HECW2: variants seen among roughly 807,000 people sequenced by gnomAD.
HECW2 encodes the protein E3 ubiquitin-protein ligase HECW2.
In HECW2, 61 loss-of-function variants were observed where a neutral mutation model predicts 175.2. That is an observed-to-expected ratio of 0.35 (90% confidence interval 0.28 to 0.43). The LOEUF (loss-of-function observed/expected upper bound fraction) is 0.43. Ranked by LOEUF, HECW2 falls within the 20% of genes least tolerant of loss-of-function variation. HECW2 has a pLI of 1.00. For synonymous variants in HECW2, 671 were observed against 731.0 expected, an observed-to-expected ratio of 0.92 and a Z score of 1.32; for missense variants, 1,524 against 2,000.5, an observed-to-expected ratio of 0.76 and a Z score of 4.54.
At chr2:196,308,172 T>C in intron 10 of HECW2, 87 bp from the exon 11 acceptor site, 1 of 997,630 alleles carries the variant, frequency 1.0e-6, no homozygotes, top group East Asian at 2.7e-5. Flanking sequence ...GTGTTTTCTT[T>C]CTCTGACATG....
At chr2:196,581,937 G>A (rs949874683) in intron 1 of HECW2, among the ~76,000 whole-genome samples, 3 of 151,892 alleles carry the variant, frequency 2.0e-5, no homozygotes, top group Non-Finnish European at 4.4e-5. Flanking sequence ...GTGGTGGTGG[G>A]AGCCTGTAGT....
chr2:196,252,205 TAATAATAATAAG>T (rs1343600881), intron 19 of HECW2, among the ~76,000 whole-genome samples: 6 of 143,818 alleles, frequency 4.2e-5, no homozygotes, highest in African/African-American at 4.9e-5. Context: ...ATAATAATAA[TAATAATAATAAG>T]GCTTCAATGA....
intron 2 of HECW2, among the ~76,000 whole-genome samples, chr2:196,385,331 C>A (rs1298206672): frequency 6.6e-6 from 1 of 152,120 alleles, no homozygotes; most frequent in African/African-American, 2.4e-5. Flanking sequence ...TATAAAAGCT[C>A]TAGTTACTTA....
chr2:196,525,119 T>A (rs1688587650), intron 1 of HECW2, among the ~76,000 whole-genome samples: 2 of 144,848 alleles, frequency 1.4e-5, no homozygotes, highest in Middle Eastern at 7.3e-3. Flanking sequence ...TCTAAGTCTC[T>A]TTGTAGGTCA....
At chr2:196,425,168 AT>A (rs1305785839) in intron 2 of HECW2, among the ~76,000 whole-genome samples, 2 of 151,190 alleles carry the variant, frequency 1.3e-5, no homozygotes, top group Non-Finnish European at 2.9e-5. Context: ...TTTACTGAAT[AT>A]TTTTACGGAA....
At chr2:196,444,545 A>G (rs571807676) in intron 1 of HECW2, among the ~76,000 whole-genome samples, 2 of 152,088 alleles carry the variant, frequency 1.3e-5, no homozygotes, top group Admixed American at 1.3e-4. Context: ...TACCTAGACC[A>G]CCACTTCTTA....
chr2:196,207,354 T>A (rs1406947090), intron 28 of HECW2, among the ~76,000 whole-genome samples: 1 of 152,236 alleles, frequency 6.6e-6, no homozygotes, highest in Non-Finnish European at 1.5e-5. Flanking sequence ...ATAGTTTTGT[T>A]AGCCTGGGTA....
intron 1 of HECW2, among the ~76,000 whole-genome samples, chr2:196,510,187 G>A (rs571043550): frequency 1.9e-4 from 29 of 152,244 alleles, no homozygotes; most frequent in African/African-American, 6.7e-4. Context: ...AGGCAATATG[G>A]TTGCATTCAC....
intron 1 of HECW2, among the ~76,000 whole-genome samples, chr2:196,515,373 C>G (rs987264436): frequency 3.9e-5 from 6 of 152,212 alleles, no homozygotes; most frequent in African/African-American, 9.6e-5. Flanking sequence ...CAGGCGCAAA[C>G]AAAACTCAGG....
chr2:196,409,238 T>C (rs1323662887), intron 2 of HECW2, among the ~76,000 whole-genome samples: 2 of 152,198 alleles, frequency 1.3e-5, no homozygotes, highest in Admixed American at 6.5e-5. Flanking sequence ...AGAAGATTCA[T>C]AAATCAAGAA....
At chr2:196,585,684 G>A (rs1304690715) in intron 1 of HECW2, among the ~76,000 whole-genome samples, 1 of 152,094 alleles carries the variant, frequency 6.6e-6, no homozygotes, top group African/African-American at 2.4e-5. Flanking sequence ...AACAAAGGAG[G>A]AGAAGGAGAA....
intron 2 of HECW2, among the ~76,000 whole-genome samples, chr2:196,431,507 G>A (rs932371399): frequency 2.0e-5 from 3 of 152,046 alleles, no homozygotes; most frequent in Admixed American, 6.6e-5. Context: ...CTACAATTTG[G>A]TATTTGTAGT....
chr2:196,578,074 G>A (rs568727399), intron 1 of HECW2, among the ~76,000 whole-genome samples: 50 of 152,272 alleles, frequency 3.3e-4, no homozygotes, highest in African/African-American at 1.2e-3. Context: ...CATAGGCTAT[G>A]TAATAGGTTC....
At chr2:196,457,575 G>T (rs912697129) in intron 1 of HECW2, among the ~76,000 whole-genome samples, 1 of 152,116 alleles carries the variant, frequency 6.6e-6, no homozygotes. Flanking sequence ...AATATAAATT[G>T]ATTATCTCAG....
rs191724443 is a variant in HECW2 at position 196,509,126 on chromosome 2, T to A, written c.-35-75668A>T. On this transcript the variant is annotated intron_variant, in intron 1 of 28. Coordinates refer to ENST00000644978, the MANE Select transcript of HECW2 (RefSeq NM_001348768.2). ...TTTAATAGGATTGTGGGTTTTTTTT[T>A]AACATTTGCCAGTTTACTACAAAAG... Among the ~76,000 whole-genome samples, 107 of 152,266 alleles carry A rather than the reference T, an allele frequency of 7.0e-4. No individual in the cohort carries two copies. In the East Asian group the frequency reaches 0.012, roughly 17 times the overall value.
chr2:196,319,659 C>T lies in HECW2; in HGVS notation c.1231G>A (p.Gly411Arg). 1.2e-6 allele frequency: 2 copies of T among 1,614,210 alleles called. No homozygotes were observed. The highest frequency in any genetic ancestry group is 1.7e-6 in the Non-Finnish European group (2 of 1,180,036). ...TAATCATTGAGTGAATCCTGACGTC[C>T]TCTGGGAGGTGAGGTCCTTGAAGAC... ...STSSRTSPPR[G>R]RQDSLNDYLD... is the part of the protein sequence containing the mutation. Residue 411 changes from glycine to arginine, a missense_variant, in exon 9 of 29, where the codon GGA (glycine) becomes AGA (arginine). By Grantham distance (125) the Gly-to-Arg change is moderately radical. Transcript: ENST00000644978.
At chr2:196,415,635 TC>T (rs1695235282) in intron 2 of HECW2, among the ~76,000 whole-genome samples, 2 of 152,188 alleles carry the variant, frequency 1.3e-5, no homozygotes, top group Non-Finnish European at 2.9e-5. Context: ...CAGAATGGGC[TC>T]CCAGGAGCCA....
rs533137197 is a variant in HECW2, at chr2:196,519,429, A to G, written c.-36+74079T>C. Among the ~76,000 whole-genome samples the G allele has an allele frequency of 1.1e-4, 17 of 152,368 alleles. No individual in the cohort carries two copies. In the South Asian group the frequency reaches 2.5e-3, roughly 22 times the overall value. On this transcript the variant is annotated intron_variant, in intron 1 of 28. Transcript: ENST00000644978. The stretch of plus-strand genomic sequence containing the variant: ...ACTAGCAACTTGCTTCAGCTATAAT[A>G]TCAGCATGGTAACCCGTCTATGTTC...
At chr2:196,236,439 T>C (rs1016091791) in intron 21 of HECW2, among the ~76,000 whole-genome samples, 1 of 152,248 alleles carries the variant, frequency 6.6e-6, no homozygotes, top group African/African-American at 2.4e-5. Context: ...ATTAACATCT[T>C]ACATTAGTAT....
Sources: gnomAD v4.1 joint callset for allele counts (sites outside exome capture counted in the v4.1 genomes callset) on GRCh38, gnomAD v4.1.1 for gene constraint, MANE v1.5 for transcripts, NCBI Gene and HGNC (gene_info 2026-07-23, HGNC 2026-07-21) for gene names.